NALF1: variants seen among roughly 807,000 people sequenced by gnomAD.
The protein encoded by NALF1 is family with sequence similarity 155 member A.
NALF1 carries 3 observed loss-of-function variants against 48.4 expected under a neutral mutation model. The ratio of observed to expected loss-of-function variants is 0.06; its 90% CI spans 0.03 to 0.16. The LOEUF (loss-of-function observed/expected upper bound fraction) is 0.16, where lower values mean the gene tolerates loss of function less well. NALF1 is among the 10% of genes least tolerant of loss of function. NALF1 has a pLI of 1.00. For missense variants in NALF1, 526 were observed against 571.5 expected (o/e 0.92, Z 0.81); for synonymous variants, 262 against 245.7 (o/e 1.07, Z -0.62).
At chr13:107,195,579 T>C (rs1288808597) in intron 2 of NALF1, among the ~76,000 whole-genome samples, 3 of 152,222 alleles carry the variant, frequency 2.0e-5, no homozygotes, top group Non-Finnish European at 4.4e-5. Flanking sequence ...AATAGTTATG[T>C]ATAAAGCCTG....
rs79788415 is a variant in NALF1 at position 107,231,425 on chromosome 13, A to G, written c.916-20670T>C. Among the ~76,000 whole-genome samples, 41 of 152,276 alleles carry G rather than the reference A, an allele frequency of 2.7e-4. No homozygotes were observed. The East Asian group carries it at 6.8e-3, about 25-fold the overall frequency. ...ATCGTGGTTCTCTTCATGGTTTATAATACTGGTATATTTCCCCCAACCCGT... is the reference window on the plus strand; with the variant it reads ...ATCGTGGTTCTCTTCATGGTTTATAGTACTGGTATATTTCCCCCAACCCGT... On this transcript the variant is annotated intron_variant, in intron 1 of 2. Transcript: ENST00000375915.
In NALF1 at chr13:107,855,304, C is replaced by T. The variant is rs73589320; in HGVS notation, c.915+10378G>A. On this transcript the variant is annotated intron_variant, in intron 1 of 2. Coordinates refer to ENST00000375915, the MANE Select transcript of NALF1 (RefSeq NM_001080396.3). ...CCCGGCCCGTGGGCTGCTGGCAGCC[C>T]GGGAGAGCTTTGAATGTGGCCCAAC... is the stretch of plus-strand genomic sequence containing the variant. Among the ~76,000 whole-genome samples the T allele has an allele frequency of 3.9e-3, 600 of 152,292 alleles. 2 individuals carry two copies. Among genetic ancestry groups the T allele is most frequent in the African/African-American group, 0.013 (557 of 41,564 alleles).
intron 1 of NALF1, among the ~76,000 whole-genome samples, chr13:107,574,707 A>G (rs1284582932): frequency 1.3e-5 from 2 of 152,196 alleles, no homozygotes; most frequent in African/African-American, 4.8e-5. Flanking sequence ...CAAGGGTCCT[A>G]TTATTCTGCA....
In NALF1 at chr13:107,850,681, T is replaced by A. The variant is rs192059635; in HGVS notation, c.915+15001A>T. Among the ~76,000 whole-genome samples, 511 of 152,258 alleles carry A rather than the reference T, an allele frequency of 3.4e-3. 2 individuals carry two copies. Among genetic ancestry groups the A allele is most frequent in the Admixed American group, 6.3e-3 (97 of 15,290 alleles). On this transcript the variant is annotated intron_variant, in intron 1 of 2. Transcript: ENST00000375915. ...ACTTTGGGAGGCCAAGGTGGGTGGA[T>A]TACCTGAGGTCAGGAGTTCAATACC...
intron 1 of NALF1, among the ~76,000 whole-genome samples, chr13:107,406,351 T>G (rs1360242939): frequency 6.6e-6 from 1 of 152,054 alleles, no homozygotes; most frequent in African/African-American, 2.4e-5. Context: ...GGTAGTGATT[T>G]GCCATATAGA....
chr13:107,843,996 G>A (rs1332062949), intron 1 of NALF1, among the ~76,000 whole-genome samples: 1 of 152,082 alleles, frequency 6.6e-6, no homozygotes, highest in East Asian at 1.9e-4. Context: ...CAGTACTGAA[G>A]CATCAAAAAA....
intron 1 of NALF1, among the ~76,000 whole-genome samples, chr13:107,451,518 G>A (rs1323179781): frequency 4.6e-5 from 7 of 152,164 alleles, no homozygotes; most frequent in South Asian, 2.1e-4. Flanking sequence ...ACAGGGCACC[G>A]TGTGATGTTA....
At chr13:107,262,807 G>C (rs1198654149) in intron 1 of NALF1, among the ~76,000 whole-genome samples, 1 of 119,230 alleles carries the variant, frequency 8.4e-6, no homozygotes. Flanking sequence ...TCATTCTTAA[G>C]CAACATCACT....
At chr13:107,259,518 A>G (rs1419885109) in intron 1 of NALF1, among the ~76,000 whole-genome samples, 1 of 152,150 alleles carries the variant, frequency 6.6e-6, no homozygotes, top group Non-Finnish European at 1.5e-5. Flanking sequence ...ACATTGCTGG[A>G]GTGAGTGAGT....
chr13:107,691,130 A>G (rs1881558705), intron 1 of NALF1, among the ~76,000 whole-genome samples: 2 of 152,210 alleles, frequency 1.3e-5, no homozygotes, highest in South Asian at 4.1e-4. Flanking sequence ...TCAGATGCAT[A>G]CACAGTGAGA....
intron 1 of NALF1, among the ~76,000 whole-genome samples, chr13:107,280,518 C>G (rs1881366119): frequency 6.6e-6 from 1 of 152,178 alleles, no homozygotes; most frequent in Non-Finnish European, 1.5e-5. Flanking sequence ...ATGATACATG[C>G]AAACATTTTT....
At chr13:107,215,561 G>C (rs1313224045) in intron 1 of NALF1, among the ~76,000 whole-genome samples, 2 of 152,182 alleles carry the variant, frequency 1.3e-5, no homozygotes, top group Admixed American at 1.3e-4. Flanking sequence ...GACAGACCGA[G>C]GGGGAGTACT....
intron 1 of NALF1, among the ~76,000 whole-genome samples, chr13:107,565,647 A>G (rs751413592): frequency 4.6e-5 from 7 of 152,134 alleles, no homozygotes; most frequent in Non-Finnish European, 8.8e-5. Flanking sequence ...AGTAGGTTTC[A>G]ATTTCCCCAT....
At position 107,268,073 on chromosome 13, in the gene NALF1, G is replaced by A. The variant is rs150218683; in HGVS notation, c.916-57318C>T. Reference sequence around the variant, plus strand: ...GCGATCTCGGCTCACTGCAACCTCCGCTTCCCAGGTTCAAGGGATTCTCCT... The same window carrying A: ...GCGATCTCGGCTCACTGCAACCTCCACTTCCCAGGTTCAAGGGATTCTCCT... On this transcript the variant is annotated intron_variant, in intron 1 of 2. Transcript: ENST00000375915. 4.3e-3 allele frequency among the ~76,000 whole-genome samples: 593 copies of A among 138,684 alleles called. 2 individuals are homozygous for A. Among genetic ancestry groups the A allele is most frequent in the African/African-American group, 0.016 (572 of 36,692 alleles). 91.0% of individuals were successfully genotyped at this position (138,684 alleles called of 152,430 possible).
chr13:107,173,580 G>A (rs1012213484), intron 2 of NALF1, among the ~76,000 whole-genome samples: 12 of 152,116 alleles, frequency 7.9e-5, no homozygotes, highest in Non-Finnish European at 1.6e-4. Flanking sequence ...ACTGGTTGCC[G>A]TCATGCCTGA....
intron 1 of NALF1, among the ~76,000 whole-genome samples, chr13:107,478,494 C>A (rs559880816): frequency 9.9e-5 from 15 of 152,100 alleles, no homozygotes; most frequent in Non-Finnish European, 1.8e-4. Flanking sequence ...TTTTTAAATA[C>A]CAGAGGCTGT....
chr13:107,489,144 G>A (rs1303548582), intron 1 of NALF1, among the ~76,000 whole-genome samples: 1 of 151,092 alleles, frequency 6.6e-6, no homozygotes, highest in African/African-American at 2.4e-5. Context: ...AATCAAATGG[G>A]AAAAAAAACA....
chr13:107,301,897 T>G (rs1036557172), intron 1 of NALF1, among the ~76,000 whole-genome samples: 2 of 152,176 alleles, frequency 1.3e-5, no homozygotes, highest in African/African-American at 4.8e-5. Context: ...CTAGAAAAGC[T>G]GAAAAAACAA....
chr13:107,620,746 G>A (rs542796405), intron 1 of NALF1, among the ~76,000 whole-genome samples: 33 of 152,202 alleles, frequency 2.2e-4, no homozygotes, highest in African/African-American at 7.7e-4. Context: ...TTCCACCTCC[G>A]CCACACTTGT....
Sources: allele counts gnomAD v4.1 joint callset (sites outside exome capture counted in the v4.1 genomes callset), GRCh38; gene constraint gnomAD v4.1.1; transcripts MANE v1.5; gene names NCBI Gene and HGNC (gene_info 2026-07-23, HGNC 2026-07-21).